Variants in ZNF343 observed in about 807,000 individuals in gnomAD.
The protein encoded by ZNF343 is zinc finger protein 343.
A neutral mutation model predicts 13.8 loss-of-function variants in ZNF343; 11 were observed. That is an observed-to-expected ratio of 0.80 (90% CI 0.50 to 1.32). The LOEUF is 1.32. ZNF343 is among the 40% of genes most tolerant of loss of function. The pLI, the probability that ZNF343 is intolerant of heterozygous loss-of-function variation, is 0.00. For synonymous variants in ZNF343, 248 were observed against 260.0 expected, an observed-to-expected ratio of 0.95 and a Z score of 0.44; for missense variants, 658 against 714.2, an observed-to-expected ratio of 0.92 and a Z score of 0.90.
At chr20:2,510,479 T>C (rs903619272), upstream of ZNF343, among the ~76,000 whole-genome samples, 2 of 152,266 alleles carry the variant, frequency 1.3e-5, no homozygotes, top group African/African-American at 2.4e-5. Context: ...CATCTTCTTA[T>C]TTCTTTTCAC....
At position 2,483,799 on chromosome 20, in the gene ZNF343, G is replaced by A. The variant is rs372746408; in HGVS notation, c.1162C>T (p.Arg388Ter). 1.7e-5 allele frequency: 28 copies of A among 1,613,680 alleles called. No individual in the cohort carries two copies. The highest frequency in any genetic ancestry group is 1.5e-4 in the Admixed American group (9 of 59,968). ...EKPYVCLECG[R>*]SFCDKSTLRK... Reference sequence around the variant, plus strand: ...AGGGTTGACTTATCACAAAAGCTTCGTCCACACTCCAGGCACACATAGGGT... The same window carrying A: ...AGGGTTGACTTATCACAAAAGCTTCATCCACACTCCAGGCACACATAGGGT... Residue 388 changes from arginine to a stop codon, truncating the protein, a stop_gained, in exon 6 of 6, where the codon CGA (arginine) becomes TGA (stop). Coordinates refer to ENST00000278772, the MANE Select transcript of ZNF343 (RefSeq NM_024325.6). LOFTEE classifies it low-confidence loss of function (END_TRUNC).
chr20:2,503,941 G>T (rs1271313583), intron 1 of ZNF343, among the ~76,000 whole-genome samples: 2 of 151,986 alleles, frequency 1.3e-5, no homozygotes, highest in Non-Finnish European at 2.9e-5. Context: ...CTAGCAGAAG[G>T]CAAGAAATAA....
At chr20:2,523,979 CAAA>C (rs56321237) in intron 1 of ZNF343, among the ~76,000 whole-genome samples, 43,052 of 103,894 alleles carry the variant, frequency 0.41, 8,085 homozygotes, top group Admixed American at 0.5. Context: ...GACCCCGTCT[CAAA>C]AAAAAAAAAA....
In ZNF343 at chr20:2,497,885, TCATATGGCTCCTC is replaced by T. The variant is rs879657212; in HGVS notation, c.-150+2758_-150+2770del. 6.9e-3 allele frequency among the ~76,000 whole-genome samples: 1,054 copies of T among 151,696 alleles called. 7 individuals are homozygous for T. Among genetic ancestry groups the T allele is most frequent in the Middle Eastern group, 0.01 (3 of 294 alleles). On this transcript the variant is annotated intron_variant, in intron 2 of 5. Transcript: ENST00000278772. ...CCCGTACCCACCCGCCCCGGCTCCTTCATATGGCTCCTCCATATGGCTCCTCCACGGCCAGGAA... is the reference window on the plus strand; with the variant it reads ...CCCGTACCCACCCGCCCCGGCTCCTTCATATGGCTCCTCCACGGCCAGGAA...
At chr20:2,490,739 A>G (rs2085354762) in intron 5 of ZNF343, among the ~76,000 whole-genome samples, 1 of 152,082 alleles carries the variant, frequency 6.6e-6, no homozygotes, top group Non-Finnish European at 1.5e-5. Context: ...CCTCTGAATC[A>G]GTTATATGTA....
At chr20:2,497,418 T>G (rs1393039966) in intron 2 of ZNF343, among the ~76,000 whole-genome samples, 2 of 151,874 alleles carry the variant, frequency 1.3e-5, no homozygotes, top group East Asian at 1.9e-4. Context: ...AAGTAGCCTG[T>G]GAGGGAGGGA....
Position 2,484,240 on chromosome 20 carries a change from T to C in ZNF343, c.721A>G (p.Ile241Val), listed in dbSNP as rs1165775442. ...TCCGGTTCATACTCTCTACAGTTGA[T>C]TGCTCCAAATCTCAAGGTTTCTAAT... ...KELETLRFGAINCREYEPDHN... is the reference protein window; with the variant it reads ...KELETLRFGAVNCREYEPDHN... The change falls in exon 6 of 6, where the codon ATC becomes GTC. Residue 241 changes from isoleucine to valine, a missense_variant. By Grantham distance (29) the Ile-to-Val change is conservative. Transcript: ENST00000278772. 1.2e-6 allele frequency: 2 copies of C among 1,614,240 alleles called. No homozygotes were observed. The highest frequency in any genetic ancestry group is 1.7e-5 in the Admixed American group (1 of 60,024).
chr20:2,507,292 C>A (rs1015910378), intron 1 of ZNF343, among the ~76,000 whole-genome samples: 1 of 150,376 alleles, frequency 6.6e-6, no homozygotes, highest in Non-Finnish European at 1.5e-5. Flanking sequence ...AAAGAGCAGG[C>A]CTCCTTTTCC....
chr20:2,497,308 A>G (rs568710687), intron 2 of ZNF343, among the ~76,000 whole-genome samples: 6 of 152,164 alleles, frequency 3.9e-5, no homozygotes, highest in Non-Finnish European at 8.8e-5. Flanking sequence ...GGAGATCACC[A>G]AGGCAGAGGA....
At position 2,483,127 on chromosome 20, in the gene ZNF343, T is replaced by C. The variant is rs1450526699; in HGVS notation, c.*34A>G. ...GAGGCTTGACTGGTCACTCAGGTCTTGTTCATGACCCCTGCATACACAGGT... is the reference window on the plus strand; with the variant it reads ...GAGGCTTGACTGGTCACTCAGGTCTCGTTCATGACCCCTGCATACACAGGT... On this transcript the variant is annotated 3_prime_UTR_variant, in exon 6 of 6. Coordinates refer to ENST00000278772, the MANE Select transcript of ZNF343 (RefSeq NM_024325.6). 6.4e-7 allele frequency: 1 copy of C among 1,568,842 alleles called. No individual in the cohort carries two copies. The highest frequency in any genetic ancestry group is 1.8e-5 in the Admixed American group (1 of 55,978).
intron 2 of ZNF343, among the ~76,000 whole-genome samples, chr20:2,494,317 C>G (rs1250981016): frequency 6.6e-6 from 1 of 152,108 alleles, no homozygotes; most frequent in African/African-American, 2.4e-5. Flanking sequence ...TTGGATCAGT[C>G]TCTGCTACTA....
At chr20:2,497,372 G>A (rs2085477136) in intron 2 of ZNF343, among the ~76,000 whole-genome samples, 1 of 152,072 alleles carries the variant, frequency 6.6e-6, no homozygotes, top group Non-Finnish European at 1.5e-5. Flanking sequence ...ACAGTTAGGA[G>A]GCCAGGGAAA....
chr20:2,484,840 T>C (rs1373255237), intron 5 of ZNF343, among the ~76,000 whole-genome samples, 184 bp from the exon 6 acceptor site: 2 of 152,138 alleles, frequency 1.3e-5, no homozygotes, highest in African/African-American at 4.8e-5. Context: ...ATCCAGAAAA[T>C]CCATAACAAA....
At chr20:2,501,304 G>A (rs527276506) in intron 1 of ZNF343, among the ~76,000 whole-genome samples, 18 of 152,306 alleles carry the variant, frequency 1.2e-4, no homozygotes, top group South Asian at 2.1e-4. Flanking sequence ...TAAACAAAGC[G>A]TCCAGGAAGC....
At chr20:2,488,506 T>C (rs2122573097) in intron 5 of ZNF343, among the ~76,000 whole-genome samples, 1 of 152,288 alleles carries the variant, frequency 6.6e-6, no homozygotes, top group South Asian at 2.1e-4. Flanking sequence ...GTTTTCTTTC[T>C]TTATTTTCTC....
upstream of ZNF343, among the ~76,000 whole-genome samples, chr20:2,511,466 A>G (rs2085739014): frequency 6.6e-6 from 1 of 152,146 alleles, no homozygotes; most frequent in South Asian, 2.1e-4. Flanking sequence ...TCTGTGGGAC[A>G]ATTGGGACAG....
chr20:2,514,093 GT>G (rs1423281444), intron 1 of ZNF343, among the ~76,000 whole-genome samples: 2 of 152,134 alleles, frequency 1.3e-5, no homozygotes, highest in African/African-American at 4.8e-5. Flanking sequence ...GGAAAAAGAA[GT>G]TTTAAAATGA....
rs79986365 is a variant in ZNF343, at chr20:2,501,004, G to A, written c.-236-262C>T. 7.7e-3 allele frequency among the ~76,000 whole-genome samples: 1,173 copies of A among 152,248 alleles called. 19 individuals are homozygous for A. The highest frequency in any genetic ancestry group is 0.026 in the African/African-American group (1,071 of 41,548). On this transcript the variant is annotated intron_variant, in intron 1 of 5. Coordinates refer to ENST00000278772, the MANE Select transcript of ZNF343 (RefSeq NM_024325.6). ...GAGCACCGAGTGTTAGCCGAAGCAG[G>A]GTGAGGCACTGCCTCACCCGGGAAG... is the stretch of plus-strand genomic sequence containing the variant.
At chr20:2,516,196 T>A (rs1307862887) in intron 1 of ZNF343, among the ~76,000 whole-genome samples, 1 of 151,576 alleles carries the variant, frequency 6.6e-6, no homozygotes, top group African/African-American at 2.4e-5. Flanking sequence ...GTCACAGAGA[T>A]GTTAAGGATG....
Sources: allele counts gnomAD v4.1 joint callset (sites outside exome capture counted in the v4.1 genomes callset), GRCh38; gene constraint gnomAD v4.1.1; transcripts MANE v1.5; gene names NCBI Gene and HGNC (gene_info 2026-07-23, HGNC 2026-07-21).